Variants in CACNA2D3 observed in about 807,000 individuals in gnomAD.
The protein encoded by CACNA2D3 is calcium voltage-gated channel auxiliary subunit alpha2delta 3.
CACNA2D3 carries 60 observed loss-of-function variants against 160.6 expected under a neutral mutation model. That is an observed-to-expected ratio of 0.37 (90% confidence interval 0.30 to 0.46). The LOEUF is 0.46. Among genes scored for constraint, CACNA2D3 ranks in the 20% least tolerant of loss-of-function variants. The pLI, the probability that CACNA2D3 is intolerant of heterozygous loss-of-function variation, is 1.00. For synonymous variants in CACNA2D3, 558 were observed against 492.9 expected, an observed-to-expected ratio of 1.13 and a Z score of -1.75; for missense variants, 1,205 against 1,365.0, an observed-to-expected ratio of 0.88 and a Z score of 1.85.
intron 16 of CACNA2D3, among the ~76,000 whole-genome samples, chr3:54,844,869 TTTTG>T (rs1371248058): frequency 6.6e-6 from 1 of 152,216 alleles, no homozygotes; most frequent in Non-Finnish European, 1.5e-5. Context: ...ATATTATTTG[TTTTG>T]TTTAATTTTG....
intron 2 of CACNA2D3, among the ~76,000 whole-genome samples, chr3:54,306,970 C>T (rs1703616337): frequency 6.6e-6 from 1 of 152,092 alleles, no homozygotes; most frequent in South Asian, 2.1e-4. Flanking sequence ...GCCGCATGCC[C>T]CCCGCCCTGC....
intron 4 of CACNA2D3, among the ~76,000 whole-genome samples, chr3:54,467,687 G>C (rs994209808): frequency 6.6e-6 from 1 of 152,202 alleles, no homozygotes; most frequent in Non-Finnish European, 1.5e-5. Flanking sequence ...TGTTCTCATA[G>C]AAGTAGAGGG....
chr3:54,349,120 GT>G (rs1404978841), intron 3 of CACNA2D3, among the ~76,000 whole-genome samples: 1 of 152,162 alleles, frequency 6.6e-6, no homozygotes, highest in Admixed American at 6.5e-5. Context: ...GTCTGGGGTG[GT>G]AGAAAACTAA....
chr3:54,626,351 G>A (rs1184223267), intron 9 of CACNA2D3: 10 of 1,557,052 alleles, frequency 6.4e-6, no homozygotes, highest in Non-Finnish European at 8.7e-6. Context: ...CGGCTGAACC[G>A]GGGCCTGCGG....
intron 9 of CACNA2D3, among the ~76,000 whole-genome samples, chr3:54,609,981 G>A (rs1460689735): frequency 1.3e-5 from 2 of 152,174 alleles, no homozygotes; most frequent in Admixed American, 6.5e-5. Flanking sequence ...TTCCTCGGAA[G>A]CCTGCAAGGG....
chr3:54,736,607 A>G (rs1042288895), intron 11 of CACNA2D3, among the ~76,000 whole-genome samples: 1 of 152,248 alleles, frequency 6.6e-6, no homozygotes, highest in Admixed American at 6.5e-5. Flanking sequence ...CAAAAAACAA[A>G]CAAAAATACT....
rs1703537449 is a variant in CACNA2D3 at position 55,025,095 on chromosome 3, A to G, written c.2987+6778A>G. Among the ~76,000 whole-genome samples the G allele has an allele frequency of 2.0e-5, 3 of 152,192 alleles. No homozygotes were observed. The South Asian group carries it at 6.2e-4, about 31-fold the overall frequency. ...AGAGCGAGTTAGGGTTCTTATTTCT[A>G]TTCTAAGTGAGAAAACCAATAGAAC... On this transcript the variant is annotated intron_variant, in intron 35 of 37. Transcript: ENST00000474759.
intron 17 of CACNA2D3, among the ~76,000 whole-genome samples, chr3:54,859,287 C>G (rs1395912876): frequency 6.6e-6 from 1 of 152,184 alleles, no homozygotes; most frequent in East Asian, 1.9e-4. Flanking sequence ...CCGTATCACA[C>G]CACTGCACTG....
intron 11 of CACNA2D3, among the ~76,000 whole-genome samples, chr3:54,697,107 T>TG (rs1172369047): frequency 6.6e-6 from 1 of 152,060 alleles, no homozygotes. Flanking sequence ...CAAAACCCTG[T>TG]GTCTACCAAA....
intron 2 of CACNA2D3, among the ~76,000 whole-genome samples, chr3:54,183,695 G>T (rs1485428852): frequency 6.6e-6 from 1 of 151,528 alleles, no homozygotes; most frequent in Non-Finnish European, 1.5e-5. Context: ...GACCAGTCTG[G>T]CCAACATGGT....
intron 13 of CACNA2D3, among the ~76,000 whole-genome samples, chr3:54,772,350 G>A (rs963126921): frequency 2.6e-5 from 4 of 151,756 alleles, no homozygotes; most frequent in South Asian, 2.1e-4. Flanking sequence ...AAAATGACCC[G>A]TGAGTATAGT....
chr3:55,024,008 A>G (rs548203104), intron 35 of CACNA2D3, among the ~76,000 whole-genome samples: 1 of 128,484 alleles, frequency 7.8e-6, no homozygotes, highest in African/African-American at 3.0e-5. Flanking sequence ...GTGTCTGAGT[A>G]TTTAGAGCAG....
intron 27 of CACNA2D3, among the ~76,000 whole-genome samples, chr3:54,926,872 A>T (rs552676874): frequency 6.6e-6 from 1 of 152,254 alleles, no homozygotes; most frequent in East Asian, 1.9e-4. Flanking sequence ...GAATCCAGAG[A>T]AATCTTCTCA....
chr3:54,300,408 C>CT (rs1389450705), intron 2 of CACNA2D3, among the ~76,000 whole-genome samples: 1 of 152,242 alleles, frequency 6.6e-6, no homozygotes, highest in Non-Finnish European at 1.5e-5. Flanking sequence ...GTTGCATTGT[C>CT]TGACTCATTA....
chr3:54,743,365 G>A (rs578044029), intron 11 of CACNA2D3, among the ~76,000 whole-genome samples: 1 of 152,326 alleles, frequency 6.6e-6, no homozygotes, highest in African/African-American at 2.4e-5. Flanking sequence ...GCAAACAGGA[G>A]GTGAGGGGCA....
chr3:54,332,608 G>T (rs1329078311), intron 3 of CACNA2D3, among the ~76,000 whole-genome samples: 1 of 151,844 alleles, frequency 6.6e-6, no homozygotes, highest in South Asian at 2.1e-4. Flanking sequence ...TTGAACTAAT[G>T]CCTGTCGGGA....
chr3:54,340,482 T>C (rs1575404463), intron 3 of CACNA2D3, among the ~76,000 whole-genome samples: 1 of 152,204 alleles, frequency 6.6e-6, no homozygotes, highest in African/African-American at 2.4e-5. Context: ...AAGCTTAATA[T>C]GTTTGAAAAG....
chr3:54,240,796 C>T lies in CACNA2D3; in HGVS notation c.205-79646C>T, dbSNP rs533055481. ...TCTCCCAGTCTGGAGTGCAATGGTG[C>T]AATGGTGCGATCTCGGCTCACTGCG... On this transcript the variant is annotated intron_variant, in intron 2 of 37. Coordinates refer to ENST00000474759, the MANE Select transcript of CACNA2D3 (RefSeq NM_018398.3). Among the ~76,000 whole-genome samples, 6 of 152,230 alleles carry T rather than the reference C, an allele frequency of 3.9e-5. No homozygotes were observed. The East Asian group carries it at 1.2e-3, about 29-fold the overall frequency.
intron 4 of CACNA2D3, among the ~76,000 whole-genome samples, chr3:54,463,594 A>C (rs1037125922): frequency 4.7e-5 from 6 of 126,806 alleles, no homozygotes; most frequent in African/African-American, 1.5e-4. Flanking sequence ...CATTCTTCAC[A>C]GTTCTCGAGC....
Sources: gnomAD v4.1 joint callset for allele counts (sites outside exome capture counted in the v4.1 genomes callset) on GRCh38, gnomAD v4.1.1 for gene constraint, MANE v1.5 for transcripts, NCBI Gene and HGNC (gene_info 2026-07-23, HGNC 2026-07-21) for gene names.